Variants in TMEM232 observed in about 807,000 individuals in gnomAD.
The protein encoded by TMEM232 is transmembrane protein 232.
A neutral mutation model predicts 78.8 loss-of-function variants in TMEM232; 80 were observed. That is an observed-to-expected ratio of 1.01 (90% CI 0.85 to 1.22). The LOEUF (loss-of-function observed/expected upper bound fraction) is 1.22. Ranked by LOEUF, TMEM232 falls within the 50% of genes most tolerant of loss-of-function variation. The probability of loss-of-function intolerance (pLI) is 0.00; values close to 1 mark genes in which losing one functional copy is unlikely to be tolerated. For synonymous variants in TMEM232, 297 were observed against 254.3 expected, an observed-to-expected ratio of 1.17 and a Z score of -1.60; for missense variants, 881 against 742.2, an observed-to-expected ratio of 1.19 and a Z score of -2.17.
chr5:110,550,995 T>A (rs1774393435), intron 11 of TMEM232, among the ~76,000 whole-genome samples: 1 of 152,104 alleles, frequency 6.6e-6, no homozygotes, highest in African/African-American at 2.4e-5. Context: ...ATTTTTACAT[T>A]TATAAATGGT....
intron 10 of TMEM232, among the ~76,000 whole-genome samples, chr5:110,603,577 C>G (rs2149820444): frequency 6.6e-6 from 1 of 152,218 alleles, no homozygotes; most frequent in East Asian, 1.9e-4. Context: ...GTTTAAAAAT[C>G]ATGTATTGAG....
intron 12 of TMEM232, among the ~76,000 whole-genome samples, chr5:110,482,258 A>G (rs890639522): frequency 6.6e-6 from 1 of 152,096 alleles, no homozygotes; most frequent in Non-Finnish European, 1.5e-5. Flanking sequence ...TTACTGAAAC[A>G]TGAAAGAAAA....
At chr5:110,607,585 T>G (rs1781675421) in intron 8 of TMEM232, among the ~76,000 whole-genome samples, 1 of 152,002 alleles carries the variant, frequency 6.6e-6, no homozygotes, top group African/African-American at 2.4e-5. Flanking sequence ...GTCATAGACC[T>G]GTGTACATTA....
At chr5:110,690,316 G>T (rs943258782) in intron 1 of TMEM232, among the ~76,000 whole-genome samples, 1 of 150,936 alleles carries the variant, frequency 6.6e-6, no homozygotes, top group Non-Finnish European at 1.5e-5. Context: ...TCAAAAAGTG[G>T]GTAAACAGAC....
chr5:110,482,873 A>T (rs899352162), intron 12 of TMEM232, among the ~76,000 whole-genome samples: 1 of 151,902 alleles, frequency 6.6e-6, no homozygotes, highest in Non-Finnish European at 1.5e-5. Context: ...TGCTAAAGAG[A>T]AGTAGACAAA....
chr5:110,727,486 A>G (rs570955756), upstream of TMEM232, among the ~76,000 whole-genome samples: 29 of 152,212 alleles, frequency 1.9e-4, no homozygotes, highest in Admixed American at 1.5e-3. Flanking sequence ...GCACCCACCT[A>G]TAATCCCAGC....
At chr5:110,469,303 G>C (rs1462491438) in intron 12 of TMEM232, among the ~76,000 whole-genome samples, 1 of 152,182 alleles carries the variant, frequency 6.6e-6, no homozygotes, top group Non-Finnish European at 1.5e-5. Flanking sequence ...CTGAGGCTTA[G>C]CAGCCACTAA....
chr5:110,646,948 T>A (rs1580489290), intron 2 of TMEM232, among the ~76,000 whole-genome samples: 1 of 151,604 alleles, frequency 6.6e-6, no homozygotes, highest in Admixed American at 6.6e-5. Flanking sequence ...TGTTTTTTTT[T>A]CTTCTTCTTC....
intron 11 of TMEM232, among the ~76,000 whole-genome samples, chr5:110,536,222 G>C (rs912273233): frequency 2.0e-5 from 3 of 152,334 alleles, no homozygotes; most frequent in Admixed American, 1.3e-4. Context: ...AAATGGAAAG[G>C]TTTCCATGTG....
intron 12 of TMEM232, among the ~76,000 whole-genome samples, chr5:110,469,718 G>T (rs1171247130): frequency 6.6e-6 from 1 of 152,136 alleles, no homozygotes; most frequent in Middle Eastern, 3.2e-3. Context: ...AATCCCCTCA[G>T]CCTGAGCTGA....
intron 10 of TMEM232, among the ~76,000 whole-genome samples, chr5:110,597,096 G>A (rs1236419866): frequency 2.0e-5 from 3 of 152,162 alleles, no homozygotes; most frequent in Admixed American, 6.5e-5. Flanking sequence ...CAGACGACAT[G>A]ATTGTATATC....
At chr5:110,548,679 G>T (rs1379471814) in intron 11 of TMEM232, among the ~76,000 whole-genome samples, 1 of 151,920 alleles carries the variant, frequency 6.6e-6, no homozygotes, top group Non-Finnish European at 1.5e-5. Context: ...ATATTGCAGT[G>T]ACAGTAAATG....
At chr5:110,721,671 G>A (rs2900050) in intron 1 of TMEM232, among the ~76,000 whole-genome samples, 10,867 of 21,990 alleles carry the variant, frequency 0.49, 1,908 homozygotes, top group Admixed American at 0.51. Context: ...GTGTGTGTGT[G>A]TGTATATATA....
chr5:110,544,691 G>C (rs1382767102), intron 11 of TMEM232, among the ~76,000 whole-genome samples: 18 of 151,722 alleles, frequency 1.2e-4, no homozygotes. Flanking sequence ...ACTTGTTTTT[G>C]AAAATATTTT....
intron 2 of TMEM232, among the ~76,000 whole-genome samples, chr5:110,406,265 TACACACACAC>T (rs70999966): frequency 0.023 from 3,305 of 143,664 alleles, 60 homozygotes; most frequent in Admixed American, 0.064. Context: ...CAGATATATA[TACACACACAC>T]ACACACACAC....
At chr5:110,506,269 T>G (rs575629258) in intron 12 of TMEM232, among the ~76,000 whole-genome samples, 1 of 152,240 alleles carries the variant, frequency 6.6e-6, no homozygotes, top group Non-Finnish European at 1.5e-5. Flanking sequence ...TTTTAGGGGG[T>G]TGTTTTTGTT....
chr5:110,400,564 C>T (rs1341071400), intron 2 of TMEM232, among the ~76,000 whole-genome samples: 2 of 151,886 alleles, frequency 1.3e-5, no homozygotes. Flanking sequence ...TATTACACTG[C>T]TTCAGTGTCT....
chr5:110,736,487 G>A (rs903022030), intron 1 of TMEM232, among the ~76,000 whole-genome samples: 1 of 152,104 alleles, frequency 6.6e-6, no homozygotes, highest in Non-Finnish European at 1.5e-5. Flanking sequence ...TGTATCTTTA[G>A]TAGAATTTTT....
At position 110,645,251 on chromosome 5, in the gene TMEM232, A is replaced by C. The variant is rs1787318686; in HGVS notation, c.126-2880T>G. On this transcript the variant is annotated intron_variant, in intron 2 of 13. Coordinates refer to ENST00000455884, the MANE Select transcript of TMEM232 (RefSeq NM_001039763.4). ...GAGGCCAGCATCAACTTGATACTCA[A>C]ACTGTACAAAGACACTAGGAGTAAA... 3.3e-5 allele frequency among the ~76,000 whole-genome samples: 5 copies of C among 151,712 alleles called. No homozygotes were observed. In the South Asian group the frequency reaches 1.0e-3, roughly 31 times the overall value.
Sources: allele counts gnomAD v4.1 joint callset (sites outside exome capture counted in the v4.1 genomes callset), GRCh38; gene constraint gnomAD v4.1.1; transcripts MANE v1.5; gene names NCBI Gene and HGNC (gene_info 2026-07-23, HGNC 2026-07-21).